Variants in ME3 observed in about 807,000 individuals in gnomAD.
ME3 encodes NADP-dependent malic enzyme, mitochondrial.
Under a neutral mutation model 68.9 loss-of-function variants are expected in ME3, and 48 were observed. The observed-to-expected ratio is 0.70, with a 90% CI of 0.55 to 0.89. The LOEUF (loss-of-function observed/expected upper bound fraction) is 0.89. Ranked by LOEUF, ME3 falls within the 40% of genes least tolerant of loss-of-function variation. The pLI is 0.00. For synonymous variants in ME3, 320 were observed against 318.8 expected, an observed-to-expected ratio of 1.00 and a Z score of -0.04; for missense variants, 675 against 797.4, an observed-to-expected ratio of 0.85 and a Z score of 1.85.
rs562172700 is a variant in ME3, at chr11:86,645,969, T to C, written c.183+25793A>G. On this transcript the variant is annotated intron_variant, in intron 2 of 14. Transcript: ENST00000543262. Reference sequence around the variant, plus strand: ...ACCTGCAGAAGAGCGACCTGACTGTTAGAAGGAAAACTTACAAACAGGAAG... The same window carrying C: ...ACCTGCAGAAGAGCGACCTGACTGTCAGAAGGAAAACTTACAAACAGGAAG... Among the ~76,000 whole-genome samples the C allele has an allele frequency of 9.9e-5, 15 of 152,220 alleles. 1 individual carries two copies. The highest frequency in any genetic ancestry group is 4.6e-4 in the Admixed American group (7 of 15,296).
rs544772230 is a variant in ME3, at chr11:86,581,210, T to TTG, written c.184-21389_184-21388dup. Among the ~76,000 whole-genome samples the TTG allele has an allele frequency of 2.6e-3, 403 of 152,306 alleles. 3 individuals carry two copies. Among genetic ancestry groups the TTG allele is most frequent in the African/African-American group, 9.4e-3 (392 of 41,560 alleles). On this transcript the variant is annotated intron_variant, in intron 2 of 14. Coordinates refer to ENST00000543262, the Ensembl canonical transcript of ME3. Reference sequence around the variant, plus strand: ...AAGTACTGTTTTGCTAAACTTTTGCTTGTGTGTGTATGTGTGTGTATACAC... The same window carrying TTG: ...AAGTACTGTTTTGCTAAACTTTTGCTTGTGTGTGTGTATGTGTGTGTATACAC...
At chr11:86,571,562 G>T (rs79165926) in intron 2 of ME3, among the ~76,000 whole-genome samples, 3,720 of 152,328 alleles carry the variant, frequency 0.024, 63 homozygotes, top group Middle Eastern at 0.041. Flanking sequence ...ATTGAATTTT[G>T]TATTTTCCTT....
At chr11:86,656,245 C>T (rs1211362973) in intron 2 of ME3, among the ~76,000 whole-genome samples, 2 of 151,872 alleles carry the variant, frequency 1.3e-5, no homozygotes, top group Admixed American at 6.6e-5. Flanking sequence ...CATCCCATTA[C>T]TGGATATATA....
At chr11:86,469,342 C>T (rs2138773146) in intron 7 of ME3, among the ~76,000 whole-genome samples, 1 of 152,286 alleles carries the variant, frequency 6.6e-6, no homozygotes, top group East Asian at 1.9e-4. Flanking sequence ...GTGAGAGCAA[C>T]ATGTGAGGAA....
chr11:86,663,669 A>G (rs2135501612), intron 2 of ME3, among the ~76,000 whole-genome samples: 1 of 152,250 alleles, frequency 6.6e-6, no homozygotes, highest in Admixed American at 6.5e-5. Context: ...CCCCCCTCTC[A>G]CTATAATACT....
At chr11:86,526,636 C>G (rs1403542569) in intron 4 of ME3, among the ~76,000 whole-genome samples, 2 of 152,204 alleles carry the variant, frequency 1.3e-5, no homozygotes, top group African/African-American at 4.8e-5. Context: ...CAGACTGACA[C>G]CTCACATGGC....
intron 2 of ME3, chr11:86,667,821 G>A (rs1946676570): frequency 6.6e-6 from 1 of 152,124 alleles, no homozygotes; most frequent in Non-Finnish European, 1.5e-5. Context: ...TATAGAATGG[G>A]GATGGCATCT....
At chr11:86,622,000 G>T (rs866757456) in intron 2 of ME3, among the ~76,000 whole-genome samples, 2 of 151,890 alleles carry the variant, frequency 1.3e-5, no homozygotes, top group Non-Finnish European at 2.9e-5. Flanking sequence ...GTTAATGGGC[G>T]CCTAGGGCTC....
At chr11:86,587,323 T>TGGGCAGGCATGATGC (rs976264934) in intron 2 of ME3, among the ~76,000 whole-genome samples, 2 of 152,214 alleles carry the variant, frequency 1.3e-5, no homozygotes, top group Non-Finnish European at 2.9e-5. Context: ...TCATCAGGCC[T>TGGGCAGGCATGATGC]GGGCAGGCAT....
chr11:86,652,389 T>A (rs1009373495), intron 2 of ME3, among the ~76,000 whole-genome samples: 19 of 152,170 alleles, frequency 1.2e-4, no homozygotes, highest in Admixed American at 9.2e-4. Context: ...GACTAACAGC[T>A]GATCTCTCTG....
At chr11:86,557,496 G>T (rs1425287058) in intron 3 of ME3, among the ~76,000 whole-genome samples, 1 of 152,170 alleles carries the variant, frequency 6.6e-6, no homozygotes, top group Non-Finnish European at 1.5e-5. Context: ...TCTAACAGGG[G>T]TAAAAAAGTC....
rs1034808276 is a variant in ME3 at position 86,507,332 on chromosome 11, A to G, written c.543+1460T>C. On this transcript the variant is annotated intron_variant, in intron 5 of 14. Transcript: ENST00000543262. ...TAACTAGACTTTGAGCTCCTCAAAT[A>G]TGGGCCCATATACCTTCTCTGTATC... 1.5e-4 allele frequency among the ~76,000 whole-genome samples: 23 copies of G among 152,272 alleles called. 1 individual carries two copies. The highest frequency in any genetic ancestry group is 5.5e-4 in the African/African-American group (23 of 41,552).
chr11:86,651,965 G>A (rs528698533), intron 2 of ME3, among the ~76,000 whole-genome samples: 6 of 152,306 alleles, frequency 3.9e-5, no homozygotes, highest in South Asian at 2.1e-4. Context: ...CTCAGTAGCC[G>A]ATTCGATCAA....
At chr11:86,639,766 A>AG (rs1239814841) in intron 2 of ME3, among the ~76,000 whole-genome samples, 1 of 152,266 alleles carries the variant, frequency 6.6e-6, no homozygotes, top group African/African-American at 2.4e-5. Context: ...TCAAGGTAAA[A>AG]GAAACCTGAA....
chr11:86,463,950 G>T (rs1208374156), intron 8 of ME3: 4 of 215,466 alleles, frequency 1.9e-5, no homozygotes, highest in African/African-American at 9.3e-5. Context: ...ATAAGACAGA[G>T]ATGCTAATGT....
rs1292741781 is a variant in ME3 at position 86,497,956 on chromosome 11, G to C, written c.705+7C>G. The C allele has an allele frequency of 1.3e-6, 2 of 1,594,032 alleles. No individual in the cohort carries two copies. Among genetic ancestry groups the C allele is most frequent in the South Asian group, 2.3e-5 (2 of 87,918 alleles). ...CCCCAGAGCTCCTGCCCTGGGCAGTGGGTTACCTCATTGTTGGTGCCGACG... is the reference window on the plus strand; with the variant it reads ...CCCCAGAGCTCCTGCCCTGGGCAGTCGGTTACCTCATTGTTGGTGCCGACG... On this transcript the variant is annotated splice_region_variant and intron_variant, in intron 6 of 14. Transcript: ENST00000543262.
chr11:86,532,399 C>T (rs1955319036), intron 4 of ME3, among the ~76,000 whole-genome samples: 1 of 152,202 alleles, frequency 6.6e-6, no homozygotes, highest in Non-Finnish European at 1.5e-5. Context: ...TTTCTTCCAA[C>T]TGCAACAGAA....
chr11:86,585,670 TC>T (rs1565173770), intron 2 of ME3, among the ~76,000 whole-genome samples: 3 of 152,130 alleles, frequency 2.0e-5, no homozygotes, highest in Admixed American at 6.5e-5. Flanking sequence ...TAAGTCTGGG[TC>T]TTAGAGGGTA....
chr11:86,566,549 C>T (rs1957488975), intron 2 of ME3, among the ~76,000 whole-genome samples: 2 of 152,166 alleles, frequency 1.3e-5, no homozygotes, highest in Admixed American at 1.3e-4. Context: ...GTATTGCTAT[C>T]ATCAGTTCTA....
Sources: gnomAD v4.1 joint callset for allele counts (sites outside exome capture counted in the v4.1 genomes callset) on GRCh38, gnomAD v4.1.1 for gene constraint, MANE v1.5 for transcripts, NCBI Gene and HGNC (gene_info 2026-07-23, HGNC 2026-07-21) for gene names.